The following ANKRD33B variants were observed in gnomAD, a reference collection of about 807,000 sequenced individuals.
The protein encoded by ANKRD33B is ankyrin repeat domain 33B.
ANKRD33B carries 6 observed loss-of-function variants against 21.5 expected under a neutral mutation model. The observed-to-expected ratio is 0.28, with a 90% CI of 0.15 to 0.55. The LOEUF is 0.55. Ranked by LOEUF, ANKRD33B falls within the 20% of genes least tolerant of loss-of-function variation. The pLI, the probability that ANKRD33B is intolerant of heterozygous loss-of-function variation, is 0.94. For missense variants in ANKRD33B, 698 were observed against 747.2 expected, an observed-to-expected ratio of 0.93 and a Z score of 0.77; for synonymous variants, 347 against 342.4, an observed-to-expected ratio of 1.01 and a Z score of -0.15.
chr5:10,601,853 C>T (rs1735940535), intron 1 of ANKRD33B, among the ~76,000 whole-genome samples: 1 of 152,204 alleles, frequency 6.6e-6, no homozygotes, highest in African/African-American at 2.4e-5. Flanking sequence ...TTGACCACTC[C>T]ACCCCAGCCT....
chr5:10,587,119 A>G (rs182366672), intron 1 of ANKRD33B, among the ~76,000 whole-genome samples: 1 of 152,182 alleles, frequency 6.6e-6, no homozygotes, highest in African/African-American at 2.4e-5. Context: ...GGTTCAAGCA[A>G]TTCTCCCACC....
Position 10,649,423 on chromosome 5 carries a change from GC to G in ANKRD33B, c.800del (p.Pro267LeufsTer25). The G allele has an allele frequency of 1.3e-6, 2 of 1,535,368 alleles. No homozygotes were observed. The highest frequency in any genetic ancestry group is 1.7e-6 in the Non-Finnish European group (2 of 1,146,484). ...AGAAGTACCGGCCCGAGCTGCCGCCGCCCCCTGAAGCGGCGCGGAAGCCCGC... is the reference window on the plus strand; with the variant it reads ...AGAAGTACCGGCCCGAGCTGCCGCCGCCCCTGAAGCGGCGCGGAAGCCCGC... ...WEKYRPELPP[P>X]PEAARKPAGS... On this transcript the variant is annotated frameshift_variant, in exon 4 of 4. Transcript: ENST00000296657. LOFTEE classifies it low-confidence loss of function (END_TRUNC).
intron 3 of ANKRD33B, among the ~76,000 whole-genome samples, chr5:10,648,108 C>A (rs779721291): frequency 6.6e-6 from 1 of 152,194 alleles, no homozygotes; most frequent in Non-Finnish European, 1.5e-5. Context: ...GACTGCCATT[C>A]TTTTTGCAAC....
At chr5:10,616,356 G>A (rs966708830) in intron 1 of ANKRD33B, among the ~76,000 whole-genome samples, 1 of 152,080 alleles carries the variant, frequency 6.6e-6, no homozygotes, top group Non-Finnish European at 1.5e-5. Flanking sequence ...CACGAGGTCA[G>A]GAGTTCGAGA....
chr5:10,639,133 G>C (rs541266942), intron 3 of ANKRD33B, among the ~76,000 whole-genome samples: 91 of 58,632 alleles, frequency 1.6e-3, no homozygotes, highest in African/African-American at 4.8e-3. Context: ...CGATGTTAGC[G>C]GGTGACGCGG....
intron 1 of ANKRD33B, among the ~76,000 whole-genome samples, chr5:10,567,650 T>C (rs1035464950): frequency 1.3e-5 from 2 of 152,194 alleles, no homozygotes; most frequent in Admixed American, 1.3e-4. Flanking sequence ...GCAAGGGTAA[T>C]GTAGGCATTC....
chr5:10,564,508 C>T lies in ANKRD33B; in HGVS notation c.41C>T (p.Ala14Val). The change falls in exon 1 of 4, where the codon GCG becomes GTG. Residue 14 changes from alanine to valine, a missense_variant. This residue lies in a region of ANKRD33B where 148 missense variants were observed against 154.9 expected (regional missense o/e 0.96). Transcript: ENST00000296657. ...LAGTGPEGGG[A>V]RCMTPPPPSP... The stretch of plus-strand genomic sequence containing the variant: ...GGGACCGGGCCGGAGGGCGGCGGGG[C>T]GCGCTGCATGACCCCACCACCGCCG... The T allele has an allele frequency of 2.6e-6, 4 of 1,521,806 alleles. No homozygotes were observed. The highest frequency in any genetic ancestry group is 3.5e-6 in the Non-Finnish European group (4 of 1,139,162). 94.3% of individuals were successfully genotyped at this position (1,521,806 alleles called of 1,614,324 possible).
intron 2 of ANKRD33B, among the ~76,000 whole-genome samples, chr5:10,630,988 T>A (rs2126593357): frequency 6.6e-6 from 1 of 152,378 alleles, no homozygotes; most frequent in Non-Finnish European, 1.5e-5. Context: ...CACTTCTTCC[T>A]TCTGGGAGTG....
Position 10,570,903 on chromosome 5 carries a change from C to G in ANKRD33B, c.366+6070C>G, listed in dbSNP as rs542621876. Among the ~76,000 whole-genome samples the G allele has an allele frequency of 3.7e-4, 47 of 126,828 alleles. No homozygotes were observed. The East Asian group carries it at 0.01, about 28-fold the overall frequency. The allele number at this position is 126,828 out of a possible 152,430, so 83.2% of individuals were successfully genotyped here. A position where few individuals can be genotyped will look rare whatever the true frequency, so the allele number is the denominator to read the frequency against. The stretch of plus-strand genomic sequence containing the variant: ...TCTTTAACAACATGACTCAAATAAC[C>G]TTTTTTTTTTTTTTTTTTGTCAATT... On this transcript the variant is annotated intron_variant, in intron 1 of 3. Coordinates refer to ENST00000296657, the MANE Select transcript of ANKRD33B (RefSeq NM_001164440.2).
At chr5:10,590,610 G>C (rs771290891) in intron 1 of ANKRD33B, among the ~76,000 whole-genome samples, 8 of 93,704 alleles carry the variant, frequency 8.5e-5, no homozygotes, top group South Asian at 5.7e-4. Context: ...GCGCGCGCGT[G>C]TGTGTGTGTG....
chr5:10,610,932 T>C (rs1736156584), intron 1 of ANKRD33B, among the ~76,000 whole-genome samples: 1 of 152,062 alleles, frequency 6.6e-6, no homozygotes, highest in Non-Finnish European at 1.5e-5. Context: ...TAATCCCAGC[T>C]ACCTGGGAGG....
intron 1 of ANKRD33B, among the ~76,000 whole-genome samples, chr5:10,605,167 C>A (rs549882867): frequency 6.6e-6 from 1 of 152,354 alleles, no homozygotes; most frequent in East Asian, 1.9e-4. Flanking sequence ...CAGGGCGTGG[C>A]GGCCGGCTTC....
chr5:10,642,231 A>G (rs1374920410), intron 3 of ANKRD33B, among the ~76,000 whole-genome samples: 1 of 152,080 alleles, frequency 6.6e-6, no homozygotes, highest in Non-Finnish European at 1.5e-5. Context: ...GATTCCAGAA[A>G]CACCTTGCAC....
chr5:10,580,632 C>T (rs946080661), intron 1 of ANKRD33B, among the ~76,000 whole-genome samples: 1 of 152,100 alleles, frequency 6.6e-6, no homozygotes, highest in Non-Finnish European at 1.5e-5. Flanking sequence ...TTGGTCCTGC[C>T]TCCGGTTTGG....
chr5:10,611,157 TGGGAGGG>T, intron 1 of ANKRD33B, among the ~76,000 whole-genome samples: 1 of 152,194 alleles, frequency 6.6e-6, no homozygotes, highest in Non-Finnish European at 1.5e-5. Flanking sequence ...TGATCACCTC[TGGGAGGG>T]ATGGAGAAGA....
intron 3 of ANKRD33B, among the ~76,000 whole-genome samples, chr5:10,645,618 G>A (rs143256686): frequency 6.6e-6 from 1 of 152,338 alleles, no homozygotes; most frequent in Non-Finnish European, 1.5e-5. Context: ...GAGGACAACA[G>A]TGGTTTCCTC....
chr5:10,564,688 G>A lies in ANKRD33B; in HGVS notation c.221G>A (p.Ser74Asn). ...GAGCACGGCGTCGAGAGCGCGGAGAGCGTCCCGGAGGGCGTCCCGGAAAGC... is the reference window on the plus strand; with the variant it reads ...GAGCACGGCGTCGAGAGCGCGGAGAACGTCCCGGAGGGCGTCCCGGAAAGC... ...EEEHGVESAE[S>N]VPEGVPESVP... The change falls in exon 1 of 4, where the codon AGC becomes AAC. Residue 74 changes from serine (S) to asparagine (N), a missense_variant. This residue lies in a region of ANKRD33B where 148 missense variants were observed against 154.9 expected (regional missense o/e 0.96). Transcript: ENST00000296657. 6.5e-7 allele frequency: 1 copy of A among 1,533,956 alleles called. No individual in the cohort carries two copies. Among genetic ancestry groups the A allele is most frequent in the Non-Finnish European group, 8.7e-7 (1 of 1,145,930 alleles).
Position 10,564,612 on chromosome 5 carries a change from AC to A in ANKRD33B, c.148del (p.Arg50AlafsTer60). On this transcript the variant is annotated frameshift_variant, in exon 1 of 4. Transcript: ENST00000296657. LOFTEE classifies it high-confidence loss of function. ...TGAGGACTTCTCGAGTCTGCCAGAC[AC>A]CCGCAGCATCGCCTCGGACGACTCT... is the stretch of plus-strand genomic sequence containing the variant. ...EFEDFSSLPD[T>X]RSIASDDSFY... The A allele has an allele frequency of 6.5e-7, 1 of 1,534,876 alleles. No homozygotes were observed.
rs1014391932 is a variant in ANKRD33B at position 10,650,893 on chromosome 5, A to G, written c.*780A>G. 2 of 152,408 alleles carry G rather than the reference A, an allele frequency of 1.3e-5. No homozygotes were observed. The highest frequency in any genetic ancestry group is 6.5e-5 in the Admixed American group (1 of 15,290). 9.4% of individuals were successfully genotyped at this position (152,408 alleles called of 1,614,324 possible). A position where few individuals can be genotyped will look rare whatever the true frequency, so the allele number is the denominator to read the frequency against. On this transcript the variant is annotated 3_prime_UTR_variant, in exon 4 of 4. Coordinates refer to ENST00000296657, the MANE Select transcript of ANKRD33B (RefSeq NM_001164440.2). ...TCATTTTAAGCAAGGGGTTTTAGGT[A>G]AACTGGATACGAAATCTTTAACATT...
Sources: allele counts gnomAD v4.1 joint callset (sites outside exome capture counted in the v4.1 genomes callset), GRCh38; gene constraint gnomAD v4.1.1; regional missense constraint gnomAD v4.1.1; transcripts MANE v1.5; gene names NCBI Gene and HGNC (gene_info 2026-07-23, HGNC 2026-07-21).